The following OPCML variants were observed in gnomAD, a reference collection of about 807,000 sequenced individuals.
OPCML encodes opioid binding protein/cell adhesion molecule like.
Under a neutral mutation model 37.8 loss-of-function variants are expected in OPCML, and 13 were observed. That is an observed-to-expected ratio of 0.34 (90% CI 0.22 to 0.55). OPCML has a LOEUF of 0.55. OPCML is among the 20% of genes least tolerant of loss of function. The pLI is 0.91. For missense variants in OPCML, 341 were observed against 435.6 expected (o/e 0.78, Z 1.93); for synonymous variants, 176 against 168.8 (o/e 1.04, Z -0.33).
At chr11:132,953,048 A>G (rs982276092) in intron 1 of OPCML, among the ~76,000 whole-genome samples, 1 of 152,200 alleles carries the variant, frequency 6.6e-6, no homozygotes, top group African/African-American at 2.4e-5. Flanking sequence ...TTAGAGAGTG[A>G]TCTATTGAGA....
intron 2 of OPCML, among the ~76,000 whole-genome samples, chr11:132,782,019 A>G (rs1380341381): frequency 7.0e-6 from 1 of 143,532 alleles, no homozygotes; most frequent in East Asian, 2.1e-4. Context: ...AAGTCATTTG[A>G]TTCAGAGAGG....
At chr11:132,478,067 G>A (rs761542081) in intron 4 of OPCML, among the ~76,000 whole-genome samples, 38 of 152,212 alleles carry the variant, frequency 2.5e-4, no homozygotes, top group Non-Finnish European at 4.7e-4. Context: ...TAGAAATTCA[G>A]CAAGTTTGCA....
chr11:133,440,829 T>A (rs1036903113), intron 1 of OPCML, among the ~76,000 whole-genome samples: 5 of 141,904 alleles, frequency 3.5e-5, no homozygotes, highest in South Asian at 2.1e-4. Flanking sequence ...TATATATATA[T>A]AAATCATATA....
chr11:132,739,449 C>G (rs1193387929), intron 2 of OPCML, among the ~76,000 whole-genome samples: 3 of 152,178 alleles, frequency 2.0e-5, no homozygotes, highest in Admixed American at 6.5e-5. Flanking sequence ...TATTCTGGAA[C>G]AAACTTTGTA....
intron 1 of OPCML, among the ~76,000 whole-genome samples, chr11:133,410,231 G>A (rs1945615639): frequency 6.6e-6 from 1 of 152,176 alleles, no homozygotes; most frequent in Admixed American, 6.5e-5. Context: ...GCTTTATAGG[G>A]TGAATGTTAG....
chr11:132,674,114 G>A (rs1379763379), intron 2 of OPCML, among the ~76,000 whole-genome samples: 3 of 152,174 alleles, frequency 2.0e-5, no homozygotes, highest in East Asian at 1.9e-4. Context: ...CAGGCCAGGA[G>A]GTTTTTCCTT....
At chr11:132,816,681 G>A (rs1939658577) in intron 2 of OPCML, among the ~76,000 whole-genome samples, 2 of 152,142 alleles carry the variant, frequency 1.3e-5, no homozygotes, top group African/African-American at 4.8e-5. Flanking sequence ...CGAGAGTTCT[G>A]AGAGAGTTTT....
intron 1 of OPCML, among the ~76,000 whole-genome samples, chr11:133,436,385 C>T (rs1170637616): frequency 6.6e-6 from 1 of 152,094 alleles, no homozygotes; most frequent in Non-Finnish European, 1.5e-5. Context: ...CTTTTGTGAT[C>T]GGTCCCCTCA....
chr11:133,050,211 T>C (rs1345387280), intron 1 of OPCML, among the ~76,000 whole-genome samples: 1 of 152,180 alleles, frequency 6.6e-6, no homozygotes, highest in Non-Finnish European at 1.5e-5. Context: ...GGTCTTCCTC[T>C]CCTGACTGTC....
At chr11:132,838,850 G>A (rs748585631) in intron 2 of OPCML, among the ~76,000 whole-genome samples, 1 of 152,138 alleles carries the variant, frequency 6.6e-6, no homozygotes, top group Non-Finnish European at 1.5e-5. Context: ...CTCAGGAGAT[G>A]ACTCAGCACC....
chr11:133,482,741 CTTG>C (rs1565658842), intron 1 of OPCML, among the ~76,000 whole-genome samples: 1 of 151,812 alleles, frequency 6.6e-6, no homozygotes, highest in Non-Finnish European at 1.5e-5. Flanking sequence ...AAAAATAAAG[CTTG>C]TTATCTATTT....
intron 2 of OPCML, among the ~76,000 whole-genome samples, chr11:132,878,097 G>A (rs1036513497): frequency 1.3e-5 from 2 of 151,882 alleles, no homozygotes; most frequent in African/African-American, 4.8e-5. Context: ...TAGGAGAATC[G>A]CTTGAACCCA....
chr11:132,975,345 A>AATGAACCATGCAAAGTTTTG lies in OPCML; in HGVS notation c.62-32355_62-32336dup, dbSNP rs547684769. ...TCTCTGATGAAGTGACATTTCATCA[A>AATGAACCATGCAAAGTTTTG]ATGAACCATGCAAAGTTTTGGAGGA... On this transcript the variant is annotated intron_variant, in intron 1 of 7. Coordinates refer to ENST00000524381, the MANE Select transcript of OPCML (RefSeq NM_001012393.5). Among the ~76,000 whole-genome samples the AATGAACCATGCAAAGTTTTG allele has an allele frequency of 4.0e-3, 607 of 151,972 alleles. 9 individuals carry two copies. The highest frequency in any genetic ancestry group is 0.039 in the South Asian group (188 of 4,764).
chr11:132,869,741 C>T (rs1942722600), intron 2 of OPCML, among the ~76,000 whole-genome samples: 1 of 152,164 alleles, frequency 6.6e-6, no homozygotes, highest in Non-Finnish European at 1.5e-5. Context: ...TTGTGCACAT[C>T]TCTGGAAGTG....
At chr11:132,941,762 T>C (rs1252214718) in intron 2 of OPCML, among the ~76,000 whole-genome samples, 1 of 152,182 alleles carries the variant, frequency 6.6e-6, no homozygotes, top group Non-Finnish European at 1.5e-5. Context: ...AAGATCCAGC[T>C]AAGTATCACC....
intron 3 of OPCML, among the ~76,000 whole-genome samples, chr11:132,635,356 GA>G (rs1380533452): frequency 6.6e-6 from 1 of 152,014 alleles, no homozygotes; most frequent in East Asian, 1.9e-4. Flanking sequence ...GTTCTTGAAA[GA>G]AAACAATAAC....
intron 4 of OPCML, among the ~76,000 whole-genome samples, chr11:132,466,119 A>G (rs746594691): frequency 5.9e-5 from 9 of 152,286 alleles, no homozygotes; most frequent in Non-Finnish European, 8.8e-5. Context: ...CTCATGTGGA[A>G]TGTCTCCTGA....
chr11:132,426,805 A>G (rs893712645), intron 7 of OPCML, among the ~76,000 whole-genome samples: 2 of 152,156 alleles, frequency 1.3e-5, no homozygotes, highest in African/African-American at 2.4e-5. Context: ...ACCACATAAG[A>G]ACGGGGAATT....
intron 1 of OPCML, among the ~76,000 whole-genome samples, chr11:133,528,045 A>C (rs1948523818): frequency 6.6e-6 from 1 of 152,228 alleles, no homozygotes; most frequent in Non-Finnish European, 1.5e-5. Context: ...GTAATTTTCT[A>C]GGTTACAGAG....
Sources: allele counts gnomAD v4.1 joint callset (sites outside exome capture counted in the v4.1 genomes callset), GRCh38; gene constraint gnomAD v4.1.1; transcripts MANE v1.5; gene names NCBI Gene and HGNC (gene_info 2026-07-23, HGNC 2026-07-21).